AP4S1: variants seen among roughly 807,000 people sequenced by gnomAD.
The protein encoded by AP4S1 is adaptor related protein complex 4 subunit sigma 1, also known as AP-4 complex subunit sigma-1.
AP4S1 carries 23 observed loss-of-function variants against 19.8 expected under a neutral mutation model. The ratio of observed to expected loss-of-function variants is 1.16; its 90% CI spans 0.84 to 1.65. AP4S1 has a LOEUF of 1.65. Among genes scored for constraint, AP4S1 ranks in the 40% most tolerant of loss-of-function variants. The pLI is 0.00. For missense variants in AP4S1, 166 were observed against 172.8 expected (o/e 0.96, Z 0.22); for synonymous variants, 46 against 54.1 (o/e 0.85, Z 0.66).
intron 5 of AP4S1, among the ~76,000 whole-genome samples, chr14:31,082,858 T>G (rs1029831554): frequency 6.7e-6 from 1 of 149,388 alleles, no homozygotes; most frequent in Non-Finnish European, 1.5e-5. Flanking sequence ...ATTGCGCCAC[T>G]GCACTCCAGC....
Position 31,025,841 on chromosome 14 carries a change from G to A in AP4S1, c.-72+54G>A. On this transcript the variant is annotated intron_variant, in intron 1 of 5. Transcript: ENST00000542754. ...CGGCTCCGGCTGAGTGGAGTCCCCA[G>A]CCCCACCCCCCGGCCGGGAACCCAG... 3.2e-6 allele frequency: 5 copies of A among 1,551,178 alleles called. No homozygotes were observed. In the South Asian group the frequency reaches 3.5e-5, roughly 11 times the overall value.
chr14:31,054,343 T>C (rs1473566635), intron 1 of AP4S1, among the ~76,000 whole-genome samples: 1 of 152,208 alleles, frequency 6.6e-6, no homozygotes, highest in African/African-American at 2.4e-5. Context: ...ACAAATGACC[T>C]GGGCAACATA....
rs1886719907 is a variant in AP4S1 at position 31,066,405 on chromosome 14, C to T, written c.138+71C>T. On this transcript the variant is annotated intron_variant, in intron 2 of 5. Transcript: ENST00000542754. Reference sequence around the variant, plus strand: ...TGGCAGATTTGTTATTAGTGAGTCTCAGGGGCCATCATTTTCTTTGAGCTA... The same window carrying T: ...TGGCAGATTTGTTATTAGTGAGTCTTAGGGGCCATCATTTTCTTTGAGCTA... 6.3e-6 allele frequency: 10 copies of T among 1,579,224 alleles called. No homozygotes were observed. The South Asian group carries it at 1.1e-4, about 18-fold the overall frequency.
intron 2 of AP4S1, among the ~76,000 whole-genome samples, chr14:31,068,172 G>A (rs1886827906): frequency 6.6e-6 from 1 of 152,178 alleles, no homozygotes; most frequent in Non-Finnish European, 1.5e-5. Context: ...CCGGCCCCTT[G>A]AACAAAATTT....
chr14:31,034,212 G>A (rs755814995), intron 1 of AP4S1, among the ~76,000 whole-genome samples: 12 of 152,166 alleles, frequency 7.9e-5, no homozygotes, highest in Middle Eastern at 3.2e-3. Context: ...TGGAGAATAT[G>A]TTAAATTGGC....
intron 5 of AP4S1, among the ~76,000 whole-genome samples, chr14:31,081,833 C>T (rs1887652635): frequency 6.6e-6 from 1 of 151,156 alleles, no homozygotes; most frequent in Non-Finnish European, 1.5e-5. Context: ...TGGTTCTGGG[C>T]GTAGTGTCTG....
rs372582761 is a variant in AP4S1, at chr14:31,067,405, A to G, written c.138+1071A>G. Among the ~76,000 whole-genome samples the G allele has an allele frequency of 1.2e-4, 18 of 149,424 alleles. No individual in the cohort carries two copies. In the East Asian group the frequency reaches 3.0e-3, roughly 25 times the overall value. ...GTCATTTACATTAGGTATATCTCCT[A>G]ATGCTATCCCTTCCCCCTCCCCCCA... On this transcript the variant is annotated intron_variant, in intron 2 of 5. Coordinates refer to ENST00000542754, the MANE Select transcript of AP4S1 (RefSeq NM_001128126.3).
intron 1 of AP4S1, among the ~76,000 whole-genome samples, chr14:31,042,003 G>T (rs543847157): frequency 2.0e-5 from 3 of 151,994 alleles, no homozygotes; most frequent in African/African-American, 7.2e-5. Flanking sequence ...TAATTTTTTT[G>T]TATTTTTAGT....
chr14:31,034,955 C>T (rs1884638823), intron 1 of AP4S1, among the ~76,000 whole-genome samples: 1 of 151,948 alleles, frequency 6.6e-6, no homozygotes, highest in Non-Finnish European at 1.5e-5. Flanking sequence ...TGAAGAACTT[C>T]AGTTATGGAA....
chr14:31,035,235 G>A (rs1349956874), intron 1 of AP4S1, among the ~76,000 whole-genome samples: 20 of 115,800 alleles, frequency 1.7e-4, no homozygotes, highest in Non-Finnish European at 2.8e-4. Flanking sequence ...TAGCTCTATC[G>A]CCAGGCTGGA....
intron 1 of AP4S1, among the ~76,000 whole-genome samples, chr14:31,047,406 G>A (rs1204293333): frequency 2.4e-5 from 1 of 42,180 alleles, no homozygotes; most frequent in Non-Finnish European, 4.6e-5. Flanking sequence ...TTTTTTTTTT[G>A]AGACGGAGTC....
chr14:31,056,025 A>G (rs1401407732), intron 1 of AP4S1, among the ~76,000 whole-genome samples: 1 of 151,530 alleles, frequency 6.6e-6, no homozygotes, highest in African/African-American at 2.4e-5. Context: ...TTTTATTTTT[A>G]GTAGAGATGA....
In AP4S1 at chr14:31,094,964, C is replaced by T. The variant is rs1156799388; in HGVS notation, c.*1929C>T. ...CCGGGAGGCAGAGGTTGCAGTGAGC[C>T]GAGATCATGCCACTGCACTCCAGCC... On this transcript the variant is annotated 3_prime_UTR_variant, in exon 6 of 6. Transcript: ENST00000542754. 13 of 150,564 alleles carry T rather than the reference C, an allele frequency of 8.6e-5. No individual in the cohort carries two copies. The highest frequency in any genetic ancestry group is 2.9e-4 in the African/African-American group (12 of 40,904). The allele number at this position is 150,564 out of a possible 1,614,324, so 9.3% of individuals were successfully genotyped here. A position where few individuals can be genotyped will look rare whatever the true frequency, so the allele number is the denominator to read the frequency against.
At chr14:31,035,299 A>G (rs963119521) in intron 1 of AP4S1, among the ~76,000 whole-genome samples, 6 of 150,056 alleles carry the variant, frequency 4.0e-5, no homozygotes. Flanking sequence ...GGTTCAAGCA[A>G]TTCTCCTGCC....
At chr14:31,082,870 T>TG (rs1188777904) in intron 5 of AP4S1, among the ~76,000 whole-genome samples, 1 of 146,978 alleles carries the variant, frequency 6.8e-6, no homozygotes, top group Admixed American at 6.9e-5. Flanking sequence ...CACTCCAGCC[T>TG]GGGCGACAGA....
intron 1 of AP4S1, among the ~76,000 whole-genome samples, chr14:31,063,575 G>A (rs749965930): frequency 6.6e-6 from 1 of 152,126 alleles, no homozygotes; most frequent in Admixed American, 6.6e-5. Context: ...AGCCATGATT[G>A]TACCACTGTA....
intron 1 of AP4S1, among the ~76,000 whole-genome samples, chr14:31,046,786 CAG>C (rs1433945175): frequency 1.4e-5 from 2 of 146,556 alleles, no homozygotes; most frequent in Non-Finnish European, 3.0e-5. Context: ...GTGGAGCTTG[CAG>C]TGAGCCGAGA....
intron 4 of AP4S1, among the ~76,000 whole-genome samples, chr14:31,075,115 C>T (rs1887283757): frequency 6.6e-6 from 1 of 152,116 alleles, no homozygotes; most frequent in Non-Finnish European, 1.5e-5. Context: ...TTATCAAACA[C>T]TAGGTCTTAT....
intron 1 of AP4S1, among the ~76,000 whole-genome samples, chr14:31,030,548 T>C (rs548631263): frequency 1.3e-5 from 2 of 152,174 alleles, no homozygotes; most frequent in East Asian, 3.8e-4. Context: ...GGAGTCTCAC[T>C]GTATTGCCAG....
Sources: allele counts gnomAD v4.1 joint callset (sites outside exome capture counted in the v4.1 genomes callset), GRCh38; gene constraint gnomAD v4.1.1; transcripts MANE v1.5; gene names NCBI Gene and HGNC (gene_info 2026-07-23, HGNC 2026-07-21).